ZDHHC14: variants seen among roughly 807,000 people sequenced by gnomAD.
The protein encoded by ZDHHC14 is palmitoyltransferase ZDHHC14.
A neutral mutation model predicts 47.7 loss-of-function variants in ZDHHC14; 16 were observed. The observed-to-expected ratio is 0.34, with a 90% CI of 0.23 to 0.51. ZDHHC14 has a LOEUF of 0.51. Ranked by LOEUF, ZDHHC14 falls within the 20% of genes least tolerant of loss-of-function variation. ZDHHC14 has a pLI of 0.97. For synonymous variants in ZDHHC14, 293 were observed against 278.9 expected (o/e 1.05, Z -0.50); for missense variants, 515 against 662.5 (o/e 0.78, Z 2.44).
At chr6:157,505,672 C>T (rs966109653) in intron 1 of ZDHHC14, among the ~76,000 whole-genome samples, 1 of 152,132 alleles carries the variant, frequency 6.6e-6, no homozygotes, top group Admixed American at 6.5e-5. Context: ...TTATTAAAAC[C>T]CTGACGTCCT....
intron 2 of ZDHHC14, among the ~76,000 whole-genome samples, chr6:157,583,261 C>T (rs1783577685): frequency 6.6e-6 from 1 of 152,064 alleles, no homozygotes; most frequent in African/African-American, 2.4e-5. Context: ...TGCTGGGGAA[C>T]TAATGCAATT....
intron 2 of ZDHHC14, among the ~76,000 whole-genome samples, chr6:157,576,346 C>A (rs1055500923): frequency 6.6e-6 from 1 of 152,114 alleles, no homozygotes; most frequent in Non-Finnish European, 1.5e-5. Context: ...ATAGACAGAC[C>A]AGAATTTGCT....
chr6:157,444,892 G>T (rs1778630020), intron 1 of ZDHHC14, among the ~76,000 whole-genome samples: 1 of 152,088 alleles, frequency 6.6e-6, no homozygotes, highest in Non-Finnish European at 1.5e-5. Context: ...GTCATTGAAA[G>T]GTCAGGCAGG....
chr6:157,395,551 T>G (rs1777504508), intron 1 of ZDHHC14, among the ~76,000 whole-genome samples: 1 of 152,078 alleles, frequency 6.6e-6, no homozygotes, highest in South Asian at 2.1e-4. Context: ...ATCCTAGCAC[T>G]TTGGGAGGCC....
chr6:157,553,422 C>T (rs147965567), intron 2 of ZDHHC14, among the ~76,000 whole-genome samples: 1,611 of 152,262 alleles, frequency 0.011, 19 homozygotes, highest in Non-Finnish European at 0.018. Context: ...TTCCTTATCA[C>T]GGATGCCTTC....
At chr6:157,416,909 C>T (rs1489885594) in intron 1 of ZDHHC14, among the ~76,000 whole-genome samples, 1 of 143,314 alleles carries the variant, frequency 7.0e-6, no homozygotes, top group Admixed American at 7.2e-5. Flanking sequence ...CGAGTTCAAG[C>T]GATTCTCCTG....
chr6:157,427,470 G>T lies in ZDHHC14; in HGVS notation c.245+45204G>T, dbSNP rs1252999626. On this transcript the variant is annotated intron_variant, in intron 1 of 8. Transcript: ENST00000359775. The surrounding 1 kb of genome is among the most constrained non-coding windows in gnomAD (Gnocchi z 4.4). Reference sequence around the variant, plus strand: ...TCTCCAGCAGGGCCTACCAGCATGGGTTGGCGTGGGGGTGAGGATGGTTGG... The same window carrying T: ...TCTCCAGCAGGGCCTACCAGCATGGTTTGGCGTGGGGGTGAGGATGGTTGG... Among the ~76,000 whole-genome samples the T allele has an allele frequency of 2.0e-5, 3 of 152,160 alleles. No homozygotes were observed. The highest frequency in any genetic ancestry group is 1.3e-4 in the Admixed American group (2 of 15,276).
rs774961899 is a variant in ZDHHC14, at chr6:157,628,345, T to G, written c.566-4T>G. 6.3e-7 allele frequency: 1 copy of G among 1,586,162 alleles called. No homozygotes were observed. The highest frequency in any genetic ancestry group is 8.5e-7 in the Non-Finnish European group (1 of 1,173,620). On this transcript the variant is annotated splice_region_variant and splice_polypyrimidine_tract_variant and intron_variant, in intron 3 of 8. Coordinates refer to ENST00000359775, the MANE Select transcript of ZDHHC14 (RefSeq NM_024630.3). ...TTTTTTTTTTTTTCTGCCTCTCATT[T>G]CAGAACGGTTTGATCACCACTGTCC... is the stretch of plus-strand genomic sequence containing the variant.
Position 157,381,917 on chromosome 6 carries a change from C to G in ZDHHC14, c.-105C>G. 2 of 947,062 alleles carry G rather than the reference C, an allele frequency of 2.1e-6. No homozygotes were observed. The highest frequency in any genetic ancestry group is 2.5e-6 in the Non-Finnish European group (2 of 800,956). 58.7% of individuals were successfully genotyped at this position (947,062 alleles called of 1,614,324 possible). A position where few individuals can be genotyped will look rare whatever the true frequency, so the allele number is the denominator to read the frequency against. ...AGCCCGTGTAGGGGCCGCGGCGCCG[C>G]GGCTCGGGGGGCGGCCGGGCGGCCG... On this transcript the variant is annotated 5_prime_UTR_variant, in exon 1 of 9. Coordinates refer to ENST00000359775, the MANE Select transcript of ZDHHC14 (RefSeq NM_024630.3).
intron 8 of ZDHHC14, among the ~76,000 whole-genome samples, chr6:157,669,327 G>A (rs946037858): frequency 6.6e-6 from 1 of 152,066 alleles, no homozygotes; most frequent in Admixed American, 6.5e-5. Flanking sequence ...CACAAGAGAG[G>A]GGTGGTGGGG....
intron 3 of ZDHHC14, among the ~76,000 whole-genome samples, chr6:157,607,906 A>G (rs1481843286): frequency 6.6e-6 from 1 of 152,204 alleles, no homozygotes; most frequent in African/African-American, 2.4e-5. Context: ...ATCCATTTCT[A>G]TTGAAAGTTG....
intron 2 of ZDHHC14, among the ~76,000 whole-genome samples, chr6:157,550,391 G>A (rs566280344): frequency 0.016 from 2,014 of 122,800 alleles, 58 homozygotes; most frequent in African/African-American, 0.057. Flanking sequence ...TAGAGAGACT[G>A]CAGTGTCACA....
At chr6:157,518,620 T>A (rs1780788576) in intron 1 of ZDHHC14, among the ~76,000 whole-genome samples, 2 of 152,124 alleles carry the variant, frequency 1.3e-5, no homozygotes, top group South Asian at 4.2e-4. Context: ...TCAGCTCGCC[T>A]GTCCCCGCCT....
chr6:157,404,323 T>G (rs955344307), intron 1 of ZDHHC14, among the ~76,000 whole-genome samples: 1 of 151,954 alleles, frequency 6.6e-6, no homozygotes, highest in East Asian at 1.9e-4. Flanking sequence ...TTCGTAGAGG[T>G]GGGGTTTTTC....
At chr6:157,443,498 C>T (rs9457471) in intron 1 of ZDHHC14, among the ~76,000 whole-genome samples, 39,621 of 152,006 alleles carry the variant, frequency 0.26, 5,602 homozygotes, top group Admixed American at 0.4. Context: ...GGGAAAGCAC[C>T]GTGAGCTATG....
chr6:157,417,846 C>A (rs1050520314), intron 1 of ZDHHC14, among the ~76,000 whole-genome samples: 3 of 151,368 alleles, frequency 2.0e-5, no homozygotes, highest in Non-Finnish European at 4.4e-5. Flanking sequence ...CCCAGGTATT[C>A]AGGAGGCTGA....
intron 1 of ZDHHC14, among the ~76,000 whole-genome samples, chr6:157,532,123 C>T (rs1301127792): frequency 6.6e-6 from 1 of 152,218 alleles, no homozygotes. Context: ...CCTGGTGGCA[C>T]CAGCAGCCAC....
intron 2 of ZDHHC14, among the ~76,000 whole-genome samples, chr6:157,548,406 C>T (rs553003871): frequency 4.7e-4 from 71 of 150,744 alleles, no homozygotes; most frequent in East Asian, 3.1e-3. Context: ...TGCTGCTTTC[C>T]GCCCTGTTCT....
At position 157,672,629 on chromosome 6, in the gene ZDHHC14, A is replaced by ACCCCCCC; in HGVS notation, c.1069-92_1069-91insCCCCCCC. On this transcript the variant is annotated intron_variant, in intron 8 of 8. Coordinates refer to ENST00000359775, the MANE Select transcript of ZDHHC14 (RefSeq NM_024630.3). The stretch of plus-strand genomic sequence containing the variant: ...AACGGTTTCTCTCTTCTCGCACCCC[A>ACCCCCCC]CCCTCCCCGCCCGTGCCCTGTCCCC... 5 of 79,518 alleles carry ACCCCCCC rather than the reference A, an allele frequency of 6.3e-5. 1 individual carries two copies. Among genetic ancestry groups the ACCCCCCC allele is most frequent in the African/African-American group, 1.3e-4 (2 of 15,302 alleles). The allele number at this position is 79,518 out of a possible 1,614,324, so 4.9% of individuals were successfully genotyped here.
Sources: gnomAD v4.1 joint callset for allele counts (sites outside exome capture counted in the v4.1 genomes callset) on GRCh38, gnomAD v4.1.1 for gene constraint, Gnocchi (gnomAD v3.1) non-coding constraint, MANE v1.5 for transcripts, NCBI Gene and HGNC (gene_info 2026-07-23, HGNC 2026-07-21) for gene names.